Variants in KMT2E observed in about 807,000 individuals in gnomAD.
The protein encoded by KMT2E is lysine methyltransferase 2E (inactive), also known as histone reader KMT2E.
A neutral mutation model predicts 184.6 loss-of-function variants in KMT2E; 30 were observed. The ratio of observed to expected loss-of-function variants is 0.16; its 90% confidence interval spans 0.12 to 0.22. The LOEUF is 0.22. KMT2E is among the 10% of genes least tolerant of loss of function. The pLI, the probability that KMT2E is intolerant of heterozygous loss-of-function variation, is 1.00. For missense variants in KMT2E, 2,023 were observed against 2,237.4 expected (o/e 0.90, Z 1.93); for synonymous variants, 815 against 776.5 (o/e 1.05, Z -0.82).
At chr7:105,039,898 A>G (rs1275719747) in intron 2 of KMT2E, among the ~76,000 whole-genome samples, 2 of 152,140 alleles carry the variant, frequency 1.3e-5, no homozygotes, top group Admixed American at 6.5e-5. Flanking sequence ...TTGAGTAGAT[A>G]TTTTATAAAC....
chr7:105,077,026 A>G lies in KMT2E; in HGVS notation c.832A>G (p.Lys278Glu), dbSNP rs1797558181. Reference sequence around the variant, plus strand: ...AAATTTTGGATGGGAGACAAAGATCAAAGCATGGATGGATCGATATGAAGA... The same window carrying G: ...AAATTTTGGATGGGAGACAAAGATCGAAGCATGGATGGATCGATATGAAGA... ...GSNFGWETKI[K>E]AWMDRYEEAN... The change falls in exon 10 of 27, where the codon AAA (lysine) becomes GAA (glutamate). Residue 278 changes from lysine (K) to glutamate (E), a missense_variant. Lys to Glu is a moderately conservative substitution (Grantham distance 56). This residue lies in a region of KMT2E where 191 missense variants were observed against 209.0 expected (regional missense o/e 0.91). Coordinates refer to ENST00000311117, the MANE Select transcript of KMT2E (RefSeq NM_182931.3). 6.2e-7 allele frequency: 1 copy of G among 1,613,992 alleles called. No homozygotes were observed. Among genetic ancestry groups the G allele is most frequent in the South Asian group, 1.1e-5 (1 of 91,062 alleles).
At chr7:105,073,819 A>G (rs1797426178) in intron 7 of KMT2E, 142 bp downstream of exon 7, 1 of 550,678 alleles carries the variant, frequency 1.8e-6, no homozygotes, top group East Asian at 3.0e-5. Context: ...GAGAGTATGC[A>G]ATCTCTGGTA....
intron 6 of KMT2E, among the ~76,000 whole-genome samples, chr7:105,071,131 A>G (rs1019256797): frequency 1.3e-5 from 2 of 152,148 alleles, no homozygotes; most frequent in African/African-American, 4.8e-5. Flanking sequence ...TTAAAAATAT[A>G]TGCTGAAGAT....
In KMT2E at chr7:105,105,703, T is replaced by C; in HGVS notation, c.2451+10T>C. ...TGGTTCATGCAAGAAGGTAAACTTT[T>C]CTTTGGAAGTAAAAATGTAGAATGA... On this transcript the variant is annotated intron_variant, in intron 18 of 26. Transcript: ENST00000311117. 6.3e-7 allele frequency: 1 copy of C among 1,591,530 alleles called. No individual in the cohort carries two copies. Among genetic ancestry groups the C allele is most frequent in the South Asian group, 1.2e-5 (1 of 86,716 alleles).
chr7:105,096,284 C>T lies in KMT2E; in HGVS notation c.1722+4970C>T, dbSNP rs181951668. On this transcript the variant is annotated intron_variant, in intron 15 of 26. Coordinates refer to ENST00000311117, the MANE Select transcript of KMT2E (RefSeq NM_182931.3). ...AAAAAAAAAAAAAGACACTTCCTCC[C>T]CCATTTATAATGGCATGAAAACTGT... Among the ~76,000 whole-genome samples the T allele has an allele frequency of 3.3e-3, 505 of 151,382 alleles. 1 individual carries two copies. Among genetic ancestry groups the T allele is most frequent in the Non-Finnish European group, 5.1e-3 (343 of 67,860 alleles).
rs749858626 is a variant in KMT2E at position 105,105,916 on chromosome 7, T to C, written c.2509T>C (p.Ser837Pro). 84 of 1,613,554 alleles carry C rather than the reference T, an allele frequency of 5.2e-5. 1 individual carries two copies. The East Asian group carries it at 1.8e-3, about 36-fold the overall frequency. The change falls in exon 19 of 27, where the codon TCA becomes CCA. Residue 837 changes from serine to proline, a missense_variant. Transcript: ENST00000311117. ...ENSAILHRFN[S>P]PCQERSRSPA... ...TTCAGCAATTTTACATAGATTTAAT[T>C]CACCCTGTCAAGAAAGATCCAGAAG...
intron 1 of KMT2E, among the ~76,000 whole-genome samples, chr7:105,023,852 G>T (rs1426802167): frequency 1.3e-5 from 2 of 152,160 alleles, no homozygotes. Flanking sequence ...TGGTGAGATG[G>T]TATATACACA....
At chr7:105,064,699 CTT>C (rs781644411) in intron 5 of KMT2E, among the ~76,000 whole-genome samples, 7 of 152,004 alleles carry the variant, frequency 4.6e-5, no homozygotes, top group Non-Finnish European at 7.4e-5. Flanking sequence ...TAAAAATAAA[CTT>C]TCATAACCTG....
intron 4 of KMT2E, among the ~76,000 whole-genome samples, chr7:105,062,763 C>A (rs1026476943): frequency 6.6e-6 from 1 of 151,578 alleles, no homozygotes; most frequent in African/African-American, 2.4e-5. Flanking sequence ...AAAATAAAAG[C>A]CTATCTAACT....
intron 3 of KMT2E, among the ~76,000 whole-genome samples, chr7:105,054,628 C>T (rs998832178): frequency 3.3e-5 from 5 of 152,052 alleles, no homozygotes; most frequent in Admixed American, 3.3e-4. Context: ...GATTCTCTTC[C>T]CTCAGCCTCC....
chr7:105,085,817 C>T (rs1329131580), intron 13 of KMT2E, among the ~76,000 whole-genome samples: 1 of 151,926 alleles, frequency 6.6e-6, no homozygotes, highest in Non-Finnish European at 1.5e-5. Flanking sequence ...TATAGGCACC[C>T]GCCACCATGC....
intron 14 of KMT2E, 32 bp downstream of exon 14, chr7:105,090,305 A>G: frequency 1.3e-6 from 2 of 1,557,016 alleles, no homozygotes; most frequent in Non-Finnish European, 1.7e-6. Context: ...GAAATTGAAT[A>G]AACAAAGGAA....
intron 20 of KMT2E, 58 bp from the exon 21 acceptor site, chr7:105,107,108 T>C: frequency 2.2e-6 from 2 of 902,456 alleles, no homozygotes; most frequent in Non-Finnish European, 3.4e-6. Context: ...TCTATAATTA[T>C]TATGGATATA....
chr7:105,015,695 T>TG (rs1279059044), intron 1 of KMT2E, among the ~76,000 whole-genome samples: 3 of 152,198 alleles, frequency 2.0e-5, no homozygotes, highest in African/African-American at 7.2e-5. Context: ...GCTGATGTTG[T>TG]GGTAATCTAA....
intron 3 of KMT2E, among the ~76,000 whole-genome samples, chr7:105,044,535 AG>A (rs1016168054): frequency 2.0e-5 from 3 of 152,140 alleles, no homozygotes; most frequent in African/African-American, 7.2e-5. Context: ...TAGGACTTGG[AG>A]GTAGGGTTTG....
intron 6 of KMT2E, among the ~76,000 whole-genome samples, chr7:105,071,606 ATATTTTTT>A (rs1283452589): frequency 1.2e-3 from 71 of 58,658 alleles, no homozygotes; most frequent in Non-Finnish European, 1.8e-3. Flanking sequence ...ATATATATAT[ATATTTTTT>A]TTTTTTTTTT....
intron 3 of KMT2E, among the ~76,000 whole-genome samples, chr7:105,059,458 A>G (rs776665339): frequency 2.1e-4 from 32 of 152,188 alleles, no homozygotes; most frequent in Non-Finnish European, 4.1e-4. Flanking sequence ...TTTTATGTAC[A>G]TTTACCCTTT....
intron 5 of KMT2E, among the ~76,000 whole-genome samples, chr7:105,065,972 G>C (rs1302856175): frequency 6.6e-6 from 1 of 152,014 alleles, no homozygotes; most frequent in African/African-American, 2.4e-5. Flanking sequence ...AAAGTAATTA[G>C]GTTTAATCTC....
At chr7:105,102,815 A>G (rs1309317279) in intron 17 of KMT2E, 2 of 152,328 alleles carry the variant, frequency 1.3e-5, no homozygotes, top group African/African-American at 4.8e-5. Context: ...GGGGTAGATC[A>G]TGAATGTATA....
Sources: allele counts gnomAD v4.1 joint callset (sites outside exome capture counted in the v4.1 genomes callset), GRCh38; gene constraint gnomAD v4.1.1; regional missense constraint gnomAD v4.1.1; transcripts MANE v1.5; gene names NCBI Gene and HGNC (gene_info 2026-07-23, HGNC 2026-07-21).